Variants in ORC5 observed in about 807,000 individuals in gnomAD.
ORC5 encodes the protein origin recognition complex subunit 5.
Under a neutral mutation model 58.8 loss-of-function variants are expected in ORC5, and 39 were observed. The observed-to-expected ratio is 0.66, with a 90% CI of 0.51 to 0.87. The LOEUF (loss-of-function observed/expected upper bound fraction) is 0.87, where lower values mean the gene tolerates loss of function less well. Ranked by LOEUF, ORC5 falls within the 40% of genes least tolerant of loss-of-function variation. The pLI is 0.00. For synonymous variants in ORC5, 218 were observed against 177.6 expected, an observed-to-expected ratio of 1.23 and a Z score of -1.81; for missense variants, 493 against 506.3, an observed-to-expected ratio of 0.97 and a Z score of 0.25.
chr7:104,190,669 C>T (rs1799655189), intron 5 of ORC5, among the ~76,000 whole-genome samples: 1 of 152,062 alleles, frequency 6.6e-6, no homozygotes, highest in Admixed American at 6.6e-5. Flanking sequence ...GTAAGATCCT[C>T]TGACTTCTTG....
At chr7:104,168,584 C>T in intron 8 of ORC5, 59 bp from the exon 9 acceptor site, 1 of 1,109,326 alleles carries the variant, frequency 9.0e-7, no homozygotes, top group Non-Finnish European at 1.3e-6. Flanking sequence ...ATATGGTGTA[C>T]TTAAAACAGA....
At chr7:104,184,514 T>G in intron 6 of ORC5, 1 of 210,534 alleles carries the variant, frequency 4.7e-6, no homozygotes, top group Non-Finnish European at 9.5e-6. Context: ...ACAGCAAAAA[T>G]ACTAATAATG....
intron 1 of ORC5, among the ~76,000 whole-genome samples, chr7:104,207,274 A>G (rs1181821671): frequency 6.6e-6 from 1 of 152,158 alleles, no homozygotes; most frequent in Non-Finnish European, 1.5e-5. Context: ...TCCAGACAAG[A>G]CAAACTCCTC....
intron 5 of ORC5, among the ~76,000 whole-genome samples, chr7:104,194,814 C>T (rs1353100580): frequency 1.3e-5 from 2 of 152,006 alleles, no homozygotes. Flanking sequence ...ATGAGAGCTG[C>T]TCATCCAAAA....
rs542788277 is a variant in ORC5 at position 104,133,380 on chromosome 7, T to C, written c.1262+3401A>G. 3.9e-5 allele frequency among the ~76,000 whole-genome samples: 6 copies of C among 152,010 alleles called. No individual in the cohort carries two copies. Among genetic ancestry groups the C allele is most frequent in the Admixed American group, 6.5e-5 (1 of 15,278 alleles). ...CTCAATAGGACTAATGGTTAAATAT[T>C]AGGAGTGGGGGAGAGAGAGATGTCA... On this transcript the variant is annotated intron_variant, in intron 13 of 13. Transcript: ENST00000297431. This position sits in a 1 kb window ranked among gnomAD's most constrained non-coding sequence, Gnocchi z 4.7.
chr7:104,173,709 CCTT>C (rs1799259437), intron 8 of ORC5, among the ~76,000 whole-genome samples: 1 of 152,142 alleles, frequency 6.6e-6, no homozygotes, highest in South Asian at 2.1e-4. Context: ...GGACAAGTGT[CCTT>C]CTGGTTTGAA....
intron 4 of ORC5, among the ~76,000 whole-genome samples, chr7:104,197,037 T>C (rs892401673): frequency 6.6e-6 from 1 of 152,196 alleles, no homozygotes; most frequent in Admixed American, 6.5e-5. Context: ...CCCCTGTCCT[T>C]TTCTTATTGG....
At chr7:104,165,477 G>T in intron 10 of ORC5, 195 bp from the exon 11 acceptor site, 2 of 392,696 alleles carry the variant, frequency 5.1e-6, no homozygotes, top group Non-Finnish European at 9.0e-6. Flanking sequence ...GACTTGGATT[G>T]GATATAAAAT....
intron 6 of ORC5, among the ~76,000 whole-genome samples, chr7:104,186,035 T>C (rs1799536067): frequency 6.6e-6 from 1 of 152,146 alleles, no homozygotes; most frequent in South Asian, 2.1e-4. Flanking sequence ...AAGAAATTAT[T>C]CGCTTTAGCC....
chr7:104,153,471 T>G (rs1023544174), intron 12 of ORC5, among the ~76,000 whole-genome samples: 2 of 152,160 alleles, frequency 1.3e-5, no homozygotes, highest in Non-Finnish European at 2.9e-5. Flanking sequence ...CATCTTGGAA[T>G]GCAATGTCTC....
chr7:104,203,078 A>C (rs189569590), intron 2 of ORC5, among the ~76,000 whole-genome samples: 1 of 152,318 alleles, frequency 6.6e-6, no homozygotes, highest in East Asian at 1.9e-4. Context: ...ACCTGGCAAA[A>C]TAAATAAGCA....
chr7:104,130,561 C>A (rs1798497467), intron 13 of ORC5, among the ~76,000 whole-genome samples: 1 of 152,150 alleles, frequency 6.6e-6, no homozygotes, highest in African/African-American at 2.4e-5. Context: ...TTGTCGCCAT[C>A]CCTTAGTCAC....
At chr7:104,167,251 T>C (rs1799123407) in intron 9 of ORC5, among the ~76,000 whole-genome samples, 1 of 152,198 alleles carries the variant, frequency 6.6e-6, no homozygotes, top group Admixed American at 6.5e-5. Context: ...TGATGCCTTA[T>C]ATTAACAGTT....
intron 12 of ORC5, among the ~76,000 whole-genome samples, chr7:104,157,557 T>G (rs1040923388): frequency 3.3e-5 from 5 of 152,082 alleles, no homozygotes; most frequent in African/African-American, 1.2e-4. Context: ...GTTGTTTTCT[T>G]AACTGTGTAA....
chr7:104,177,928 C>G (rs1799356423), intron 8 of ORC5, among the ~76,000 whole-genome samples: 1 of 152,222 alleles, frequency 6.6e-6, no homozygotes, highest in African/African-American at 2.4e-5. Context: ...GCATAGTATT[C>G]CATGGTGTTT....
At chr7:104,145,262 T>G (rs1045886365) in intron 12 of ORC5, among the ~76,000 whole-genome samples, 11 of 152,194 alleles carry the variant, frequency 7.2e-5, no homozygotes, top group African/African-American at 2.7e-4. Flanking sequence ...TCTTATTCAG[T>G]GACACATCTG....
At chr7:104,159,480 T>TAATAA (rs1020532347) in intron 12 of ORC5, among the ~76,000 whole-genome samples, 4 of 129,390 alleles carry the variant, frequency 3.1e-5, no homozygotes, top group Admixed American at 2.3e-4. Flanking sequence ...AGTATAATAA[T>TAATAA]AATAAAATAA....
intron 12 of ORC5, among the ~76,000 whole-genome samples, chr7:104,148,463 G>A (rs1798795646): frequency 6.6e-6 from 1 of 152,160 alleles, no homozygotes; most frequent in African/African-American, 2.4e-5. Context: ...GGCAATGCAA[G>A]TAAAACAGAG....
intron 12 of ORC5, among the ~76,000 whole-genome samples, chr7:104,150,624 C>T (rs6944360): frequency 0.62 from 94,281 of 151,814 alleles, 31,297 homozygotes; most frequent in Non-Finnish European, 0.76. Context: ...TGTTTATACA[C>T]AGAGCAACTG....
Sources: gnomAD v4.1 joint callset for allele counts (sites outside exome capture counted in the v4.1 genomes callset) on GRCh38, gnomAD v4.1.1 for gene constraint, Gnocchi (gnomAD v3.1) non-coding constraint, MANE v1.5 for transcripts, NCBI Gene and HGNC (gene_info 2026-07-23, HGNC 2026-07-21) for gene names.